USP6NL: variants seen among roughly 807,000 people sequenced by gnomAD.
The protein encoded by USP6NL is USP6 N-terminal-like protein.
USP6NL carries 26 observed loss-of-function variants against 61.9 expected under a neutral mutation model. The ratio of observed to expected loss-of-function variants is 0.42; its 90% CI spans 0.31 to 0.58. The LOEUF (loss-of-function observed/expected upper bound fraction) is 0.58, where lower values mean the gene tolerates loss of function less well. Among genes scored for constraint, USP6NL ranks in the 20% least tolerant of loss-of-function variants. The pLI is 0.16. For missense variants in USP6NL, 1,114 were observed against 1,034.3 expected (o/e 1.08, Z -1.06); for synonymous variants, 432 against 390.1 (o/e 1.11, Z -1.27).
chr10:11,530,601 C>G (rs1835620443), intron 2 of USP6NL, among the ~76,000 whole-genome samples: 1 of 152,084 alleles, frequency 6.6e-6, no homozygotes, highest in Non-Finnish European at 1.5e-5. Flanking sequence ...AATGTCTTAT[C>G]CCTGAGTTAC....
Position 11,528,495 on chromosome 10 carries a change from C to G in USP6NL, c.5-928G>C, listed in dbSNP as rs1315660642. ...TTACCCTGCCTTACCACATGACACT[C>G]TAAGGTAGGCATCATTATGAATCCT... On this transcript the variant is annotated intron_variant, in intron 2 of 14. Coordinates refer to ENST00000609104, the MANE Select transcript of USP6NL (RefSeq NM_014688.5). This position sits in a 1 kb window ranked among gnomAD's most constrained non-coding sequence, Gnocchi z 4.6. 6.6e-6 allele frequency among the ~76,000 whole-genome samples: 1 copy of G among 152,106 alleles called. No individual in the cohort carries two copies. Among genetic ancestry groups the G allele is most frequent in the African/African-American group, 2.4e-5 (1 of 41,412 alleles).
chr10:11,488,587 T>G (rs988221001), intron 10 of USP6NL, among the ~76,000 whole-genome samples: 1 of 152,240 alleles, frequency 6.6e-6, no homozygotes, highest in Non-Finnish European at 1.5e-5. Context: ...GAACCAATTT[T>G]ATGTGAAAAA....
intron 13 of USP6NL, among the ~76,000 whole-genome samples, chr10:11,483,296 A>G (rs931672477): frequency 6.6e-6 from 1 of 151,932 alleles, no homozygotes; most frequent in Non-Finnish European, 1.5e-5. Context: ...TTACAAGGGT[A>G]AAGAAACTTT....
At chr10:11,526,933 T>C (rs933773535) in intron 3 of USP6NL, among the ~76,000 whole-genome samples, 1 of 152,164 alleles carries the variant, frequency 6.6e-6, no homozygotes, top group Non-Finnish European at 1.5e-5. Context: ...GGTAAATTTA[T>C]AATAGCAGAT....
At chr10:11,609,294 T>C (rs1838803981) in intron 1 of USP6NL, among the ~76,000 whole-genome samples, 1 of 152,138 alleles carries the variant, frequency 6.6e-6, no homozygotes, top group Non-Finnish European at 1.5e-5. Context: ...CTTGAACCCC[T>C]GACCTCAAAT....
chr10:11,497,906 T>C (rs1278755865), intron 7 of USP6NL, among the ~76,000 whole-genome samples: 2 of 151,960 alleles, frequency 1.3e-5, no homozygotes, highest in Non-Finnish European at 2.9e-5. Flanking sequence ...CCCATAAACC[T>C]GAGGGCAGAA....
chr10:11,544,146 T>C (rs1371518071), intron 2 of USP6NL, among the ~76,000 whole-genome samples: 1 of 151,864 alleles, frequency 6.6e-6, no homozygotes, highest in African/African-American at 2.4e-5. Flanking sequence ...CCCAACCAAA[T>C]GTTCCACCCT....
chr10:11,572,541 T>G (rs1008087890), intron 2 of USP6NL, among the ~76,000 whole-genome samples: 1 of 152,094 alleles, frequency 6.6e-6, no homozygotes, highest in Non-Finnish European at 1.5e-5. Context: ...CTAATATTCT[T>G]TATATGGTTG....
chr10:11,581,535 C>G (rs537220794), intron 2 of USP6NL, among the ~76,000 whole-genome samples: 1 of 152,172 alleles, frequency 6.6e-6, no homozygotes, highest in African/African-American at 2.4e-5. Flanking sequence ...AATTGAACTA[C>G]TGTCATCCTT....
At chr10:11,555,451 T>TATATATATATATATATAGAGAG (rs1427219382) in intron 2 of USP6NL, among the ~76,000 whole-genome samples, 1 of 61,004 alleles carries the variant, frequency 1.6e-5, no homozygotes, top group African/African-American at 8.5e-5. Context: ...TATATATATA[T>TATATATATATATATATAGAGAG]AGAGAGAGAG....
At chr10:11,471,385 A>G (rs1566115493) in intron 14 of USP6NL, among the ~76,000 whole-genome samples, 1 of 152,232 alleles carries the variant, frequency 6.6e-6, no homozygotes. Flanking sequence ...GTGGGGCTGT[A>G]AACTAGTTCA....
Position 11,601,901 on chromosome 10 carries a change from G to A in USP6NL, c.-83-4184C>T, listed in dbSNP as rs557572015. Reference sequence around the variant, plus strand: ...AGCTTCTGATCTCACCTTCACAGCTGTATAATCCCAGCTCATTTTTTCACA... The same window carrying A: ...AGCTTCTGATCTCACCTTCACAGCTATATAATCCCAGCTCATTTTTTCACA... On this transcript the variant is annotated intron_variant, in intron 1 of 14. Transcript: ENST00000609104. 1.3e-3 allele frequency among the ~76,000 whole-genome samples: 192 copies of A among 152,154 alleles called. 1 individual carries two copies. The highest frequency in any genetic ancestry group is 2.4e-3 in the Non-Finnish European group (164 of 68,012).
chr10:11,608,745 T>C (rs1369190181), intron 1 of USP6NL, among the ~76,000 whole-genome samples: 1 of 152,186 alleles, frequency 6.6e-6, no homozygotes, highest in Admixed American at 6.5e-5. Flanking sequence ...CAAAAAATAA[T>C]GGTTGAATAA....
rs1003160733 is a variant in USP6NL, at chr10:11,573,372, C to A, written c.4+24259G>T. ...ATTACAGCAGCAATGCAATAACCTCCCCTTACTCTGTACCTCTTAATAATA... is the reference window on the plus strand; with the variant it reads ...ATTACAGCAGCAATGCAATAACCTCACCTTACTCTGTACCTCTTAATAATA... On this transcript the variant is annotated intron_variant, in intron 2 of 14. Transcript: ENST00000609104. The A allele has an allele frequency of 2.3e-5, 8 of 347,842 alleles. No homozygotes were observed. In the Admixed American group the frequency reaches 3.8e-4, roughly 16 times the overall value. The allele number at this position is 347,842 out of a possible 1,614,324, so 21.5% of individuals were successfully genotyped here. A position where few individuals can be genotyped will look rare whatever the true frequency, so the allele number is the denominator to read the frequency against.
intron 2 of USP6NL, among the ~76,000 whole-genome samples, chr10:11,568,144 GGTA>G (rs978022290): frequency 7.1e-6 from 1 of 140,890 alleles, no homozygotes. Context: ...TGTGTCGGGA[GGTA>G]GTTGTGTGTG....
chr10:11,555,243 G>A (rs1355074222), intron 2 of USP6NL, among the ~76,000 whole-genome samples: 8 of 146,864 alleles, frequency 5.4e-5, no homozygotes, highest in Non-Finnish European at 1.0e-4. Flanking sequence ...TGGCAAAACC[G>A]CGTCTCTACT....
In USP6NL at chr10:11,561,881, G is replaced by A. The variant is rs1424498310; in HGVS notation, c.5-34314C>T. Among the ~76,000 whole-genome samples the A allele has an allele frequency of 6.6e-6, 1 of 152,114 alleles. No individual in the cohort carries two copies. Among genetic ancestry groups the A allele is most frequent in the Non-Finnish European group, 1.5e-5 (1 of 68,008 alleles). On this transcript the variant is annotated intron_variant, in intron 2 of 14. Coordinates refer to ENST00000609104, the MANE Select transcript of USP6NL (RefSeq NM_014688.5). The surrounding 1 kb of genome is among the most constrained non-coding windows in gnomAD (Gnocchi z 4.1). ...CCATTTATTAATTTTAGCCAGTCTT[G>A]AAACAATATTTCATTATTGTTTATA...
chr10:11,560,088 C>T (rs1367532821), intron 2 of USP6NL, among the ~76,000 whole-genome samples: 1 of 152,050 alleles, frequency 6.6e-6, no homozygotes, highest in Non-Finnish European at 1.5e-5. Flanking sequence ...ATAATAATTC[C>T]ATAAAAATAA....
At position 11,602,972 on chromosome 10, in the gene USP6NL, T is replaced by G. The variant is rs545531586; in HGVS notation, c.-83-5255A>C. On this transcript the variant is annotated intron_variant, in intron 1 of 14. Transcript: ENST00000609104. This position sits in a 1 kb window ranked among gnomAD's most constrained non-coding sequence, Gnocchi z 4.8. ...GCTCTTGCTGCAACCCCGTGAAACA[T>G]AACGTCACATTTCTACAGCTTTAAG... is the stretch of plus-strand genomic sequence containing the variant. Among the ~76,000 whole-genome samples, 2 of 152,226 alleles carry G rather than the reference T, an allele frequency of 1.3e-5. No individual in the cohort carries two copies. Among genetic ancestry groups the G allele is most frequent in the African/African-American group, 4.8e-5 (2 of 41,462 alleles).
Sources: gnomAD v4.1 joint callset for allele counts (sites outside exome capture counted in the v4.1 genomes callset) on GRCh38, gnomAD v4.1.1 for gene constraint, Gnocchi (gnomAD v3.1) non-coding constraint, MANE v1.5 for transcripts, NCBI Gene and HGNC (gene_info 2026-07-23, HGNC 2026-07-21) for gene names.